ROBO2: variants seen among roughly 807,000 people sequenced by gnomAD.
ROBO2 encodes the protein roundabout homolog 2.
In ROBO2, 53 loss-of-function variants were observed where a neutral mutation model predicts 160.8. The observed-to-expected ratio is 0.33, with a 90% CI of 0.26 to 0.41. ROBO2 has a LOEUF of 0.41. ROBO2 is among the 10% of genes least tolerant of loss of function. The pLI, the probability that ROBO2 is intolerant of heterozygous loss-of-function variation, is 1.00. For synonymous variants in ROBO2, 664 were observed against 611.7 expected (o/e 1.09, Z -1.26); for missense variants, 1,577 against 1,722.4 (o/e 0.92, Z 1.49).
chr3:77,427,038 C>T (rs897064003), intron 2 of ROBO2, among the ~76,000 whole-genome samples: 2 of 151,384 alleles, frequency 1.3e-5, no homozygotes, highest in East Asian at 3.9e-4. Context: ...TGAGCTGAAG[C>T]CTCTAAAAGT....
At chr3:77,084,403 G>A (rs2069041290) in intron 1 of ROBO2, among the ~76,000 whole-genome samples, 1 of 152,012 alleles carries the variant, frequency 6.6e-6, no homozygotes. Context: ...TATGGTAAAG[G>A]CAACTTCCTA....
intron 2 of ROBO2, among the ~76,000 whole-genome samples, chr3:76,720,725 G>A (rs966854387): frequency 6.6e-6 from 1 of 152,190 alleles, no homozygotes; most frequent in African/African-American, 2.4e-5. Flanking sequence ...AAATAATTTC[G>A]CTTTCCAATT....
In ROBO2 at chr3:77,402,951, C is replaced by T. The variant is rs377711699; in HGVS notation, c.389-74463C>T. Among the ~76,000 whole-genome samples the T allele has an allele frequency of 7.2e-5, 11 of 152,268 alleles. No homozygotes were observed. In the South Asian group the frequency reaches 2.1e-3, roughly 29 times the overall value. On this transcript the variant is annotated intron_variant, in intron 2 of 25. Transcript: ENST00000461745. ...TACTCTAAAGCTTCCCTGAGACTCT[C>T]CTTCTGCCTTATGCCCCTCAGTTGA...
intron 2 of ROBO2, among the ~76,000 whole-genome samples, chr3:76,891,574 G>T (rs536838920): frequency 6.6e-6 from 1 of 151,886 alleles, no homozygotes; most frequent in South Asian, 2.1e-4. Flanking sequence ...TCCAGTTGAT[G>T]GTATTTCAAG....
chr3:76,568,377 A>G (rs1273594444), intron 2 of ROBO2, among the ~76,000 whole-genome samples: 1 of 151,930 alleles, frequency 6.6e-6, no homozygotes, highest in Non-Finnish European at 1.5e-5. Flanking sequence ...GGCTCACTGC[A>G]AGCTCCGCCT....
At chr3:75,986,870 C>G (rs2065429570) in intron 2 of ROBO2, among the ~76,000 whole-genome samples, 1 of 151,592 alleles carries the variant, frequency 6.6e-6, no homozygotes, top group Admixed American at 6.6e-5. Flanking sequence ...GGTCAAAAAT[C>G]ATTTCACCAT....
At chr3:77,483,702 T>C (rs1021545692) in intron 4 of ROBO2, among the ~76,000 whole-genome samples, 6 of 148,362 alleles carry the variant, frequency 4.0e-5, no homozygotes, top group African/African-American at 1.5e-4. Context: ...AAAAAATAAG[T>C]ATATATATTA....
At chr3:76,427,806 T>G (rs377083066) in intron 2 of ROBO2, among the ~76,000 whole-genome samples, 2 of 152,168 alleles carry the variant, frequency 1.3e-5, no homozygotes, top group Non-Finnish European at 2.9e-5. Flanking sequence ...AGAAGGCTTC[T>G]TTTTCAGATT....
At chr3:76,928,537 T>C (rs559896289) in intron 2 of ROBO2, among the ~76,000 whole-genome samples, 2 of 152,154 alleles carry the variant, frequency 1.3e-5, no homozygotes, top group Non-Finnish European at 2.9e-5. Flanking sequence ...TTAATATTAT[T>C]AGATGTTCTC....
chr3:76,498,626 T>C (rs1363597429), intron 2 of ROBO2, among the ~76,000 whole-genome samples: 1 of 151,878 alleles, frequency 6.6e-6, no homozygotes, highest in Non-Finnish European at 1.5e-5. Context: ...ATATAAACTT[T>C]TGAACAAGCA....
intron 2 of ROBO2, among the ~76,000 whole-genome samples, chr3:76,064,821 A>G (rs923921092): frequency 6.6e-6 from 1 of 152,134 alleles, no homozygotes; most frequent in Non-Finnish European, 1.5e-5. Context: ...AAAAAAGAGA[A>G]CTAAATATTT....
chr3:76,507,060 T>C (rs1268503703), intron 2 of ROBO2, among the ~76,000 whole-genome samples: 1 of 152,172 alleles, frequency 6.6e-6, no homozygotes, highest in African/African-American at 2.4e-5. Context: ...GTTGATTGTT[T>C]GCTGTGAACT....
At chr3:77,307,327 T>G (rs1327905345) in intron 2 of ROBO2, among the ~76,000 whole-genome samples, 1 of 152,184 alleles carries the variant, frequency 6.6e-6, no homozygotes, top group Non-Finnish European at 1.5e-5. Flanking sequence ...AAATTATACA[T>G]TAGATAATGT....
intron 2 of ROBO2, among the ~76,000 whole-genome samples, chr3:76,423,831 A>G (rs1287408173): frequency 1.3e-5 from 2 of 152,168 alleles, no homozygotes; most frequent in African/African-American, 2.4e-5. Context: ...ACTTGAGATA[A>G]AAACGATCAT....
chr3:77,434,432 G>A (rs546022648), intron 2 of ROBO2, among the ~76,000 whole-genome samples: 54 of 152,242 alleles, frequency 3.5e-4, no homozygotes, highest in African/African-American at 9.9e-4. Context: ...GAGCTGTATA[G>A]TTCTGTTTAG....
intron 2 of ROBO2, among the ~76,000 whole-genome samples, chr3:76,057,683 C>T (rs1314885549): frequency 6.6e-6 from 1 of 152,066 alleles, no homozygotes; most frequent in East Asian, 1.9e-4. Flanking sequence ...TAGATCACTG[C>T]CGCCGACCAA....
intron 1 of ROBO2, among the ~76,000 whole-genome samples, chr3:75,912,115 A>C (rs984473068): frequency 6.6e-6 from 1 of 152,186 alleles, no homozygotes. Flanking sequence ...AATGTTCTGT[A>C]ATCATTAAAG....
At chr3:76,480,907 C>A (rs2079173713) in intron 2 of ROBO2, among the ~76,000 whole-genome samples, 1 of 152,124 alleles carries the variant, frequency 6.6e-6, no homozygotes, top group South Asian at 2.1e-4. Flanking sequence ...AAGAGTCTTA[C>A]AACTTTTCAA....
chr3:76,734,563 A>G (rs1464817987), intron 2 of ROBO2, among the ~76,000 whole-genome samples: 7 of 152,102 alleles, frequency 4.6e-5, no homozygotes, highest in East Asian at 1.9e-4. Flanking sequence ...TTTTTCTTCT[A>G]TGTTTTCTTC....
Sources: gnomAD v4.1 joint callset for allele counts (sites outside exome capture counted in the v4.1 genomes callset) on GRCh38, gnomAD v4.1.1 for gene constraint, MANE v1.5 for transcripts, NCBI Gene and HGNC (gene_info 2026-07-23, HGNC 2026-07-21) for gene names.